Variants in NPAS3 observed in about 807,000 individuals in gnomAD.
NPAS3 encodes the protein neuronal PAS domain protein 3, also known as neuronal PAS domain-containing protein 3.
A neutral mutation model predicts 73.1 loss-of-function variants in NPAS3; 14 were observed. The observed-to-expected ratio is 0.19, with a 90% CI of 0.13 to 0.30. The LOEUF (loss-of-function observed/expected upper bound fraction) is 0.30, where lower values mean the gene tolerates loss of function less well. Among genes scored for constraint, NPAS3 ranks in the 10% least tolerant of loss-of-function variants. NPAS3 has a pLI of 1.00. For synonymous variants in NPAS3, 620 were observed against 541.5 expected, an observed-to-expected ratio of 1.14 and a Z score of -2.01; for missense variants, 1,096 against 1,250.0, an observed-to-expected ratio of 0.88 and a Z score of 1.86.
At chr14:33,188,558 C>G (rs1361256952) in intron 2 of NPAS3, among the ~76,000 whole-genome samples, 1 of 152,146 alleles carries the variant, frequency 6.6e-6, no homozygotes, top group African/African-American at 2.4e-5. Flanking sequence ...TTATAAACTT[C>G]CTACACATGT....
chr14:33,140,368 G>GA (rs1280600518), intron 2 of NPAS3, among the ~76,000 whole-genome samples: 1 of 151,750 alleles, frequency 6.6e-6, no homozygotes, highest in Admixed American at 6.6e-5. Flanking sequence ...AAAGAACACA[G>GA]AAAAAAACAG....
chr14:33,301,282 C>G (rs1372314838), intron 3 of NPAS3, among the ~76,000 whole-genome samples: 1 of 124,050 alleles, frequency 8.1e-6, no homozygotes, highest in East Asian at 2.1e-4. Flanking sequence ...CAGGCCACCT[C>G]TAAACCCCAC....
intron 3 of NPAS3, among the ~76,000 whole-genome samples, chr14:33,281,355 G>A (rs905056150): frequency 1.3e-5 from 2 of 152,102 alleles, no homozygotes; most frequent in Non-Finnish European, 2.9e-5. Flanking sequence ...TTCAGGCTGG[G>A]CATGGTGGCT....
rs1316786693 is a variant in NPAS3, at chr14:33,433,254, T to C, written c.468+65986T>C. Among the ~76,000 whole-genome samples, 7 of 152,328 alleles carry C rather than the reference T, an allele frequency of 4.6e-5. No individual in the cohort carries two copies. In the East Asian group the frequency reaches 1.4e-3, roughly 29 times the overall value. ...TCAGTAGGCTCATATTATTATCAAT[T>C]ATATTTTTAAAGCTGCTGTTATTCA... On this transcript the variant is annotated intron_variant, in intron 4 of 11. Transcript: ENST00000356141.
intron 3 of NPAS3, among the ~76,000 whole-genome samples, chr14:33,279,978 C>T (rs1312753947): frequency 6.6e-6 from 1 of 152,140 alleles, no homozygotes; most frequent in African/African-American, 2.4e-5. Flanking sequence ...AGCTGATATG[C>T]TTTATTGAAA....
chr14:33,577,674 A>G (rs1045396793), intron 5 of NPAS3, among the ~76,000 whole-genome samples: 2 of 152,192 alleles, frequency 1.3e-5, no homozygotes, highest in African/African-American at 4.8e-5. Flanking sequence ...GTGACGGGGT[A>G]AAGGGGAAGG....
intron 1 of NPAS3, among the ~76,000 whole-genome samples, chr14:32,980,954 C>T (rs2037873458): frequency 6.6e-6 from 1 of 152,128 alleles, no homozygotes; most frequent in Non-Finnish European, 1.5e-5. Context: ...TACACACACA[C>T]ATACACACAC....
intron 3 of NPAS3, among the ~76,000 whole-genome samples, chr14:33,272,509 C>T (rs1195963322): frequency 1.3e-5 from 2 of 152,090 alleles, no homozygotes; most frequent in African/African-American, 2.4e-5. Context: ...CTCTGCCTCC[C>T]AGATTCAAGC....
intron 2 of NPAS3, among the ~76,000 whole-genome samples, chr14:33,178,209 G>C (rs1035737733): frequency 5.3e-5 from 8 of 151,624 alleles, no homozygotes; most frequent in African/African-American, 1.9e-4. Context: ...CGAGTGGCTG[G>C]GACTACAGGT....
At chr14:33,179,651 T>C (rs2045720599) in intron 2 of NPAS3, among the ~76,000 whole-genome samples, 1 of 152,182 alleles carries the variant, frequency 6.6e-6, no homozygotes. Flanking sequence ...TAAGTCTGTT[T>C]ACAACACTGC....
intron 7 of NPAS3, among the ~76,000 whole-genome samples, chr14:33,762,345 T>C (rs56004177): frequency 7.9e-4 from 120 of 152,330 alleles, no homozygotes; most frequent in African/African-American, 2.9e-3. Flanking sequence ...TTTCTAGTGC[T>C]TATGATGTTC....
chr14:32,988,722 C>T (rs1185943083), intron 1 of NPAS3, among the ~76,000 whole-genome samples: 1 of 152,214 alleles, frequency 6.6e-6, no homozygotes, highest in Non-Finnish European at 1.5e-5. Flanking sequence ...CACAGTCATA[C>T]ACTGATGTCA....
intron 3 of NPAS3, among the ~76,000 whole-genome samples, chr14:33,293,979 G>T (rs1427886228): frequency 6.6e-6 from 1 of 152,148 alleles, no homozygotes; most frequent in Non-Finnish European, 1.5e-5. Flanking sequence ...TGCTGTGCAG[G>T]TGCTAAGTAA....
intron 3 of NPAS3, among the ~76,000 whole-genome samples, chr14:33,232,512 A>G (rs1489108652): frequency 6.6e-6 from 1 of 152,100 alleles, no homozygotes; most frequent in Non-Finnish European, 1.5e-5. Flanking sequence ...ATCTCCCAAT[A>G]TCTTTAGTTC....
intron 4 of NPAS3, among the ~76,000 whole-genome samples, chr14:33,374,492 T>TTA (rs1555383791): frequency 6.6e-6 from 1 of 151,406 alleles, no homozygotes; most frequent in Non-Finnish European, 1.5e-5. Flanking sequence ...AAGTTTTTTT[T>TTA]AAAAAAAAAT....
chr14:33,674,562 TC>T (rs1296640961), intron 5 of NPAS3, among the ~76,000 whole-genome samples: 2 of 151,916 alleles, frequency 1.3e-5, no homozygotes, highest in Non-Finnish European at 2.9e-5. Context: ...TTCCATGTAA[TC>T]CCCCCCTCCC....
At position 33,800,883 on chromosome 14, in the gene NPAS3, C is replaced by A; in HGVS notation, c.2576C>A (p.Pro859His). Residue 859 changes from proline (P) to histidine (H), a missense_variant, in exon 12 of 12, where the codon CCC becomes CAC. By Grantham distance (77) the Pro-to-His change is moderately conservative. Transcript: ENST00000356141. The surrounding 1 kb of genome is among the most constrained non-coding windows in gnomAD (Gnocchi z 6.5). ...GTTAACTTCGTGGACGTTAACAGCC[C>A]CGGCTTTGGCCTCGACCCCAAGACG... 6.2e-7 allele frequency: 1 copy of A among 1,606,154 alleles called. No individual in the cohort carries two copies. The highest frequency in any genetic ancestry group is 8.5e-7 in the Non-Finnish European group (1 of 1,176,912).
chr14:33,711,808 G>T (rs943187709), intron 6 of NPAS3, among the ~76,000 whole-genome samples: 2 of 151,992 alleles, frequency 1.3e-5, no homozygotes, highest in Non-Finnish European at 2.9e-5. Context: ...TGTGACTCAG[G>T]GCAGTAACGT....
intron 5 of NPAS3, among the ~76,000 whole-genome samples, chr14:33,579,915 G>T (rs2056596743): frequency 6.6e-6 from 1 of 152,040 alleles, no homozygotes; most frequent in Admixed American, 6.6e-5. Context: ...TATCTTGTAG[G>T]TTTACCATAT....
Sources: allele counts gnomAD v4.1 joint callset (sites outside exome capture counted in the v4.1 genomes callset), GRCh38; gene constraint gnomAD v4.1.1; non-coding constraint Gnocchi (gnomAD v3.1); transcripts MANE v1.5; gene names NCBI Gene and HGNC (gene_info 2026-07-23, HGNC 2026-07-21).